KHDRBS2: variants seen among roughly 807,000 people sequenced by gnomAD.
KHDRBS2 encodes KH RNA binding domain containing, signal transduction associated 2.
KHDRBS2 carries 26 observed loss-of-function variants against 44.3 expected under a neutral mutation model. The observed-to-expected ratio is 0.59, with a 90% CI of 0.43 to 0.81. The LOEUF (loss-of-function observed/expected upper bound fraction) is 0.81, where lower values mean the gene tolerates loss of function less well. KHDRBS2 is among the 40% of genes least tolerant of loss of function. The pLI is 0.00. For missense variants in KHDRBS2, 476 were observed against 433.1 expected (o/e 1.10, Z -0.88); for synonymous variants, 194 against 151.1 (o/e 1.28, Z -2.08).
chr6:62,224,554 A>G (rs1389110995), intron 1 of KHDRBS2, among the ~76,000 whole-genome samples: 1 of 152,168 alleles, frequency 6.6e-6, no homozygotes, highest in African/African-American at 2.4e-5. Context: ...GAGAAATGTA[A>G]TATCATTTTT....
At chr6:61,675,738 T>G (rs1765894687), downstream of KHDRBS2, among the ~76,000 whole-genome samples, 1 of 151,952 alleles carries the variant, frequency 6.6e-6, no homozygotes, top group South Asian at 2.1e-4. Flanking sequence ...TTATTCTTAA[T>G]TTTATTATTA....
chr6:61,583,814 T>G, the KHDRBS2 span, among the ~76,000 whole-genome samples: 8 of 151,698 alleles, frequency 5.3e-5, no homozygotes, highest in Non-Finnish European at 8.9e-5. Context: ...AATTAATTCC[T>G]TAACAGTATT....
chr6:61,656,837 C>T, the KHDRBS2 span, among the ~76,000 whole-genome samples: 1 of 151,898 alleles, frequency 6.6e-6, no homozygotes. Flanking sequence ...TGAAACATTC[C>T]TAAAACAGAA....
chr6:61,552,846 G>T, the KHDRBS2 span, among the ~76,000 whole-genome samples: 9 of 152,160 alleles, frequency 5.9e-5, no homozygotes, highest in Non-Finnish European at 5.9e-5. Flanking sequence ...CAGATATAAA[G>T]CCTACTTGGT....
chr6:61,961,444 GA>G (rs1220495331), intron 4 of KHDRBS2, among the ~76,000 whole-genome samples: 6 of 115,724 alleles, frequency 5.2e-5, no homozygotes, highest in African/African-American at 1.5e-4. Flanking sequence ...AAGAAAGAAA[GA>G]GAAAAAAAGA....
intron 4 of KHDRBS2, among the ~76,000 whole-genome samples, chr6:61,956,231 T>C (rs987712019): frequency 3.3e-5 from 5 of 152,110 alleles, no homozygotes; most frequent in Non-Finnish European, 5.9e-5. Flanking sequence ...ACTCTTTATG[T>C]TCAAAGCATA....
chr6:61,781,408 GA>G (rs1436126417), intron 6 of KHDRBS2, among the ~76,000 whole-genome samples: 4 of 151,982 alleles, frequency 2.6e-5, no homozygotes, highest in Non-Finnish European at 5.9e-5. Context: ...CCCTTTTCTA[GA>G]AATTTGTTTT....
chr6:62,199,895 C>CA (rs1826556999), intron 1 of KHDRBS2, among the ~76,000 whole-genome samples: 1 of 152,122 alleles, frequency 6.6e-6, no homozygotes, highest in Admixed American at 6.6e-5. Context: ...AGATATAGAT[C>CA]AATGGAACAG....
chr6:61,560,880 C>T, the KHDRBS2 span, among the ~76,000 whole-genome samples: 2 of 152,102 alleles, frequency 1.3e-5, no homozygotes, highest in African/African-American at 4.8e-5. Context: ...AGTACATGTT[C>T]TTCAGTGTCT....
chr6:61,625,541 T>C, the KHDRBS2 span, among the ~76,000 whole-genome samples: 22 of 152,082 alleles, frequency 1.4e-4, no homozygotes, highest in East Asian at 3.3e-3. Context: ...AGCCCAGGAA[T>C]AGCCTGAGGA....
intron 2 of KHDRBS2, among the ~76,000 whole-genome samples, chr6:62,149,945 T>TC (rs1385000026): frequency 6.6e-6 from 1 of 152,202 alleles, no homozygotes; most frequent in East Asian, 1.9e-4. Flanking sequence ...TCCTTTTTTT[T>TC]CATGTGTGAA....
the KHDRBS2 span, among the ~76,000 whole-genome samples, chr6:61,569,771 G>A: frequency 1.3e-4 from 20 of 152,272 alleles, no homozygotes; most frequent in East Asian, 3.3e-3. Flanking sequence ...ACATTCTGCA[G>A]CATCAGCCCA....
At chr6:61,717,325 A>G (rs528873426) in intron 7 of KHDRBS2, among the ~76,000 whole-genome samples, 1 of 152,140 alleles carries the variant, frequency 6.6e-6, no homozygotes, top group South Asian at 2.1e-4. Context: ...CCTAAAATAA[A>G]TACGTCAAAT....
intron 6 of KHDRBS2, among the ~76,000 whole-genome samples, chr6:61,846,058 G>A (rs1794362030): frequency 6.6e-6 from 1 of 152,164 alleles, no homozygotes; most frequent in South Asian, 2.1e-4. Flanking sequence ...CTTTCACCAT[G>A]TGAAGTCCCT....
chr6:62,096,237 T>C (rs1160625711), intron 2 of KHDRBS2, among the ~76,000 whole-genome samples: 2 of 151,980 alleles, frequency 1.3e-5, no homozygotes, highest in Non-Finnish European at 2.9e-5. Context: ...AGAATCAATT[T>C]AGAAGAATTC....
rs76595767 is a variant in KHDRBS2 at position 61,696,702 on chromosome 6, A to T, written c.952+493T>A. On this transcript the variant is annotated intron_variant, in intron 8 of 8. Coordinates refer to ENST00000281156, the MANE Select transcript of KHDRBS2 (RefSeq NM_152688.4). The stretch of plus-strand genomic sequence containing the variant: ...AATTAAGGAATATATTTTTTAAATA[A>T]ATTGATTTTATAGACTGACATCCTT... Among the ~76,000 whole-genome samples, 5 of 152,306 alleles carry T rather than the reference A, an allele frequency of 3.3e-5. No individual in the cohort carries two copies. In the East Asian group the frequency reaches 9.7e-4, roughly 29 times the overall value.
At chr6:62,063,620 G>A (rs1792675748) in intron 2 of KHDRBS2, among the ~76,000 whole-genome samples, 1 of 150,788 alleles carries the variant, frequency 6.6e-6, no homozygotes, top group South Asian at 2.1e-4. Flanking sequence ...GGTATTGATG[G>A]GATGTATTTC....
At chr6:61,547,356 A>G in the KHDRBS2 span, among the ~76,000 whole-genome samples, 1 of 152,126 alleles carries the variant, frequency 6.6e-6, no homozygotes, top group Non-Finnish European at 1.5e-5. Flanking sequence ...TAAACTTTCT[A>G]TAATTTATTC....
At chr6:61,811,080 C>T (rs1046962889) in intron 6 of KHDRBS2, among the ~76,000 whole-genome samples, 2 of 152,000 alleles carry the variant, frequency 1.3e-5, no homozygotes, top group African/African-American at 2.4e-5. Context: ...ACATAGTACC[C>T]AATAACAAGT....
Sources: allele counts gnomAD v4.1 joint callset (sites outside exome capture counted in the v4.1 genomes callset), GRCh38; gene constraint gnomAD v4.1.1; transcripts MANE v1.5; gene names NCBI Gene and HGNC (gene_info 2026-07-23, HGNC 2026-07-21).